SDHAF2: variants seen among roughly 807,000 people sequenced by gnomAD.
SDHAF2 encodes the protein succinate dehydrogenase assembly factor 2, mitochondrial.
In SDHAF2, 21 loss-of-function variants were observed where a neutral mutation model predicts 18.5. That is an observed-to-expected ratio of 1.13 (90% CI 0.80 to 1.63). The LOEUF (loss-of-function observed/expected upper bound fraction) is 1.63, where lower values mean the gene tolerates loss of function less well. Among genes scored for constraint, SDHAF2 ranks in the 40% most tolerant of loss-of-function variants. The pLI is 0.00. For synonymous variants in SDHAF2, 84 were observed against 70.7 expected (o/e 1.19, Z -0.94); for missense variants, 195 against 200.3 (o/e 0.97, Z 0.16).
chr11:61,435,077 C>T (rs1861977967), intron 1 of SDHAF2: 1 of 151,990 alleles, frequency 6.6e-6, no homozygotes, highest in South Asian at 2.1e-4. Flanking sequence ...GACGGGGTCT[C>T]ACTGTGTTGC....
intron 3 of SDHAF2, 50 bp downstream of exon 3, chr11:61,438,163 G>T (rs748086724): frequency 1.5e-6 from 2 of 1,351,668 alleles, no homozygotes; most frequent in East Asian, 4.6e-5. Flanking sequence ...AGTTTAGGCT[G>T]ATTTGAGTCT....
intron 3 of SDHAF2, among the ~76,000 whole-genome samples, chr11:61,443,894 A>G (rs1438650564): frequency 6.6e-6 from 1 of 151,824 alleles, no homozygotes; most frequent in African/African-American, 2.4e-5. Context: ...CTGCCTCAGC[A>G]TCCCGAGTAG....
intron 3 of SDHAF2, among the ~76,000 whole-genome samples, chr11:61,440,973 AAAG>A (rs1862058622): frequency 6.6e-6 from 1 of 152,106 alleles, no homozygotes; most frequent in Admixed American, 6.5e-5. Flanking sequence ...AGGCTGAGGC[AAAG>A]GATCTCTTGA....
chr11:61,437,269 C>T (rs1023505312), intron 1 of SDHAF2, among the ~76,000 whole-genome samples: 1 of 152,100 alleles, frequency 6.6e-6, no homozygotes, highest in South Asian at 2.1e-4. Flanking sequence ...CTCACTGCAG[C>T]GTTGACCTTC....
Position 61,446,092 on chromosome 11 carries a change from A to G in SDHAF2, c.*21A>G. ...GTTGAGCTGTGCTCCACGGCCTGGC[A>G]TGGGGGTTCAGTCTGTGGATGGTAA... On this transcript the variant is annotated 3_prime_UTR_variant, in exon 4 of 4. Coordinates refer to ENST00000301761, the MANE Select transcript of SDHAF2 (RefSeq NM_017841.4). 3 of 1,614,048 alleles carry G rather than the reference A, an allele frequency of 1.9e-6. No individual in the cohort carries two copies. The highest frequency in any genetic ancestry group is 2.2e-5 in the South Asian group (2 of 91,092).
chr11:61,436,956 C>T, intron 1 of SDHAF2: 3 of 1,257,056 alleles, frequency 2.4e-6, no homozygotes, highest in Non-Finnish European at 3.1e-6. Context: ...CAGGATTTGA[C>T]ACAGGTGAGT....
intron 3 of SDHAF2, among the ~76,000 whole-genome samples, chr11:61,445,358 T>A (rs1267861514): frequency 6.6e-6 from 1 of 152,220 alleles, no homozygotes; most frequent in East Asian, 1.9e-4. Flanking sequence ...TGAAATCTGG[T>A]TCTTTAGGCT....
chr11:61,438,144 A>G (rs1250784873), intron 3 of SDHAF2, 31 bp downstream of exon 3: 1 of 1,505,552 alleles, frequency 6.6e-7, no homozygotes, highest in Non-Finnish European at 9.2e-7. Flanking sequence ...CATAATGTGA[A>G]AATAGGACAG....
chr11:61,443,753 A>C (rs1862099401), intron 3 of SDHAF2, among the ~76,000 whole-genome samples: 1 of 150,962 alleles, frequency 6.6e-6, no homozygotes, highest in Non-Finnish European at 1.5e-5. Flanking sequence ...CTGAGACTAC[A>C]ATCACGTGCC....
At chr11:61,444,606 G>C (rs968865912) in intron 3 of SDHAF2, among the ~76,000 whole-genome samples, 5 of 152,146 alleles carry the variant, frequency 3.3e-5, no homozygotes, top group Non-Finnish European at 7.4e-5. Flanking sequence ...AGCCGAGCGT[G>C]GTGGCGGGCG....
At chr11:61,441,474 T>A (rs1216963509) in intron 3 of SDHAF2, among the ~76,000 whole-genome samples, 1 of 147,268 alleles carries the variant, frequency 6.8e-6, no homozygotes, top group African/African-American at 2.5e-5. Flanking sequence ...TAAGCCGAGA[T>A]CATGCCACTA....
intron 3 of SDHAF2, among the ~76,000 whole-genome samples, chr11:61,439,748 T>A (rs1047997980): frequency 1.3e-5 from 2 of 152,242 alleles, no homozygotes; most frequent in African/African-American, 4.8e-5. Context: ...GCATTTGAGA[T>A]GCGTATCCTT....
At chr11:61,443,753 A>G (rs1862099401) in intron 3 of SDHAF2, among the ~76,000 whole-genome samples, 1 of 150,918 alleles carries the variant, frequency 6.6e-6, no homozygotes, top group Admixed American at 6.6e-5. Context: ...CTGAGACTAC[A>G]ATCACGTGCC....
chr11:61,437,075 A>C, intron 1 of SDHAF2: 1 of 1,150,538 alleles, frequency 8.7e-7, no homozygotes, highest in East Asian at 6.5e-5. Flanking sequence ...ACACATTTGC[A>C]GTTAGGACTG....
intron 1 of SDHAF2, chr11:61,433,129 C>G (rs1861953784): frequency 6.6e-6 from 1 of 151,632 alleles, no homozygotes; most frequent in South Asian, 2.1e-4. Context: ...ACCTCCATCT[C>G]CTGGGTTCAA....
At position 61,430,167 on chromosome 11, in the gene SDHAF2, C is replaced by T. The variant is rs892955355; in HGVS notation, c.21C>T (p.Phe7=). Residue 7 remains phenylalanine, a synonymous_variant, in exon 1 of 4, where the codon TTC becomes TTT. Coordinates refer to ENST00000301761, the MANE Select transcript of SDHAF2 (RefSeq NM_017841.4). ...GGAAAATGGCGGTGTCTACAGTGTTCTCGACTTCGTCGCTGGTGAGGAGAG... is the reference window on the plus strand; with the variant it reads ...GGAAAATGGCGGTGTCTACAGTGTTTTCGACTTCGTCGCTGGTGAGGAGAG... MAVSTV[F]STSSLMLALS... The T allele has an allele frequency of 1.7e-5, 27 of 1,614,240 alleles. No homozygotes were observed. The highest frequency in any genetic ancestry group is 2.2e-5 in the East Asian group (1 of 44,886).
intron 1 of SDHAF2, among the ~76,000 whole-genome samples, chr11:61,437,352 C>G (rs1364946955): frequency 6.6e-6 from 1 of 152,112 alleles, no homozygotes; most frequent in East Asian, 1.9e-4. Context: ...GGGACTACCC[C>G]ACTATGCCTG....
At chr11:61,444,821 C>A (rs1480796035) in intron 3 of SDHAF2, among the ~76,000 whole-genome samples, 4 of 152,198 alleles carry the variant, frequency 2.6e-5, no homozygotes, top group Non-Finnish European at 4.4e-5. Flanking sequence ...CCTGTGCCTG[C>A]CACAGGTGAG....
Position 61,438,062 on chromosome 11 carries a change from C to T in SDHAF2, c.319C>T (p.Arg107Cys), listed in dbSNP as rs140191819. ...AGAAAAGCAGCTGAACCTCTATGAC[C>T]GCCTGATTAACGAGCCTAGTAATGA... is the stretch of plus-strand genomic sequence containing the variant. Reference protein sequence around the residue: ...MTEKQLNLYDRLINEPSNDWD... With the variant: ...MTEKQLNLYDCLINEPSNDWD... The change falls in exon 3 of 4, where the codon CGC becomes TGC. Residue 107 changes from arginine (R) to cysteine (C), a missense_variant. Coordinates refer to ENST00000301761, the MANE Select transcript of SDHAF2 (RefSeq NM_017841.4). 1.2e-4 allele frequency: 189 copies of T among 1,614,006 alleles called. 1 individual carries two copies. In the African/African-American group the frequency reaches 2.2e-3, roughly 19 times the overall value.
Sources: gnomAD v4.1 joint callset for allele counts (sites outside exome capture counted in the v4.1 genomes callset) on GRCh38, gnomAD v4.1.1 for gene constraint, MANE v1.5 for transcripts, NCBI Gene and HGNC (gene_info 2026-07-23, HGNC 2026-07-21) for gene names.